The following DMBT1 variants were observed in gnomAD, a reference collection of about 807,000 sequenced individuals.
The protein encoded by DMBT1 is deleted in malignant brain tumors 1.
A neutral mutation model predicts 252.9 loss-of-function variants in DMBT1; 198 were observed. That is an observed-to-expected ratio of 0.78 (90% CI 0.70 to 0.88). The LOEUF is 0.88. DMBT1 is among the 40% of genes least tolerant of loss of function. The probability of loss-of-function intolerance (pLI) is 0.00; values close to 1 mark genes in which losing one functional copy is unlikely to be tolerated. For synonymous variants in DMBT1, 990 were observed against 942.7 expected (o/e 1.05, Z -0.92); for missense variants, 2,432 against 2,404.7 (o/e 1.01, Z -0.24).
At chr10:122,628,405 A>G (rs2098133792) in intron 46 of DMBT1, among the ~76,000 whole-genome samples, 1 of 152,120 alleles carries the variant, frequency 6.6e-6, no homozygotes, top group Admixed American at 6.5e-5. Flanking sequence ...GGAGGCCAAG[A>G]TGGGCGGATT....
intron 2 of DMBT1, among the ~76,000 whole-genome samples, chr10:122,569,797 T>C (rs1430261578): frequency 6.6e-6 from 1 of 152,214 alleles, no homozygotes; most frequent in South Asian, 2.1e-4. Flanking sequence ...CAGGAGTATA[T>C]CAGTGATGGT....
In DMBT1 at chr10:122,618,036, C is replaced by T; in HGVS notation, c.4911C>T (p.Ala1637=). The T allele has an allele frequency of 6.2e-7, 1 of 1,613,066 alleles. No homozygotes were observed. Among genetic ancestry groups the T allele is most frequent in the Non-Finnish European group, 8.5e-7 (1 of 1,179,754 alleles). ...ASTAGSESTL[A]LRLVNGGDRC... ...CTGTAGGATCTGAATCCACTTTGGC[C>T]CTGAGACTGGTGAATGGAGGTGACA... is the stretch of plus-strand genomic sequence containing the variant. The change falls in exon 41 of 56, where the codon GCC becomes GCT. Residue 1637 remains alanine, a synonymous_variant. Transcript: ENST00000338354.
chr10:122,585,671 C>T (rs1182123539), intron 15 of DMBT1, among the ~76,000 whole-genome samples: 1 of 148,654 alleles, frequency 6.7e-6, no homozygotes, highest in Admixed American at 6.7e-5. Context: ...CCACACCTGT[C>T]TGGCCAAGGC....
At chr10:122,617,950 T>G in intron 40 of DMBT1, 67 bp from the exon 41 acceptor site, 1 of 1,598,790 alleles carries the variant, frequency 6.3e-7, no homozygotes, top group Non-Finnish European at 8.5e-7. Flanking sequence ...ACCCTGAGTG[T>G]GGAACTTGCC....
intron 41 of DMBT1, 105 bp downstream of exon 41, chr10:122,618,445 T>C (rs2098023343): frequency 6.4e-7 from 1 of 1,568,164 alleles, no homozygotes; most frequent in South Asian, 1.2e-5. Context: ...TTCTATGTTT[T>C]CTATATTTCT....
chr10:122,621,657 G>C (rs950371375), intron 44 of DMBT1, among the ~76,000 whole-genome samples: 2 of 152,156 alleles, frequency 1.3e-5, no homozygotes, highest in African/African-American at 2.4e-5. Flanking sequence ...TGGCTCCCCA[G>C]GGCTCCATTT....
chr10:122,575,882 G>A (rs557403157), intron 6 of DMBT1, among the ~76,000 whole-genome samples: 1 of 152,322 alleles, frequency 6.6e-6, no homozygotes, highest in East Asian at 1.9e-4. Flanking sequence ...CTCCAGTCCA[G>A]AGTGACAGCC....
At chr10:122,617,789 G>T (rs938958546) in intron 40 of DMBT1, among the ~76,000 whole-genome samples, 2 of 151,548 alleles carry the variant, frequency 1.3e-5, no homozygotes, top group African/African-American at 4.9e-5. Flanking sequence ...ACTTCCAGTG[G>T]GGTCACAGGT....
At chr10:122,633,459 G>T (rs1039020809) in intron 52 of DMBT1, 118 bp downstream of exon 52, 1 of 1,484,360 alleles carries the variant, frequency 6.7e-7, no homozygotes, top group Non-Finnish European at 9.0e-7. Context: ...TTTCAAGAGG[G>T]AATAAATGGT....
chr10:122,574,970 G>T (rs1347775137), intron 6 of DMBT1, among the ~76,000 whole-genome samples: 3 of 152,194 alleles, frequency 2.0e-5, no homozygotes, highest in Non-Finnish European at 4.4e-5. Context: ...TGCTGTGGCT[G>T]CAGTGGGTTA....
intron 44 of DMBT1, among the ~76,000 whole-genome samples, chr10:122,624,686 G>A (rs74640983): frequency 0.078 from 11,893 of 151,838 alleles, 782 homozygotes; most frequent in South Asian, 0.25. Context: ...TGGCTGGGCC[G>A]TGGCATTCCC....
intron 24 of DMBT1, 47 bp downstream of exon 24, chr10:122,597,101 T>C (rs771849168): frequency 1.3e-5 from 6 of 446,500 alleles, no homozygotes; most frequent in Non-Finnish European, 2.3e-5. Context: ...TCTTTCTGTA[T>C]AATTATCCCT....
chr10:122,600,309 C>T (rs1391468412), intron 27 of DMBT1, among the ~76,000 whole-genome samples: 2 of 151,754 alleles, frequency 1.3e-5, no homozygotes, highest in Non-Finnish European at 2.9e-5. Context: ...CCCCTCTCAG[C>T]TTTCATGAAA....
chr10:122,592,002 C>T lies in DMBT1; in HGVS notation c.2177-270C>T, dbSNP rs1000109035. ...GCAGTGGAGCTCCATCCTGTGTGTGCTCAGAGTAGGGAGTGGGGTGTCCAT... is the reference window on the plus strand; with the variant it reads ...GCAGTGGAGCTCCATCCTGTGTGTGTTCAGAGTAGGGAGTGGGGTGTCCAT... On this transcript the variant is annotated intron_variant, in intron 19 of 55. Transcript: ENST00000338354. Among the ~76,000 whole-genome samples, 6 of 148,796 alleles carry T rather than the reference C, an allele frequency of 4.0e-5. 1 individual carries two copies. The South Asian group carries it at 9.0e-4, about 22-fold the overall frequency.
At chr10:122,587,009 C>G (rs934226586) in intron 16 of DMBT1, among the ~76,000 whole-genome samples, 2 of 148,422 alleles carry the variant, frequency 1.3e-5, no homozygotes, top group African/African-American at 4.9e-5. Context: ...TTACCCCTGA[C>G]CAGGGAGGAC....
intron 53 of DMBT1, among the ~76,000 whole-genome samples, chr10:122,636,762 A>T (rs1311935173): frequency 6.6e-6 from 1 of 152,256 alleles, no homozygotes; most frequent in Non-Finnish European, 1.5e-5. Context: ...TTAAAGACTG[A>T]CTTGCTTCAT....
At chr10:122,599,560 A>G (rs1281621204) in intron 26 of DMBT1, among the ~76,000 whole-genome samples, 1 of 152,170 alleles carries the variant, frequency 6.6e-6, no homozygotes, top group Non-Finnish European at 1.5e-5. Flanking sequence ...AGGAGTGCAA[A>G]TGGGTGTCTG....
intron 10 of DMBT1, 51 bp from the exon 11 acceptor site, chr10:122,580,815 C>T (rs2097761949): frequency 1.2e-6 from 2 of 1,612,664 alleles, no homozygotes; most frequent in East Asian, 2.2e-5. Context: ...TCCAGTTTTG[C>T]CGACTTCTGT....
chr10:122,586,010 T>C (rs778702760), intron 15 of DMBT1, 50 bp from the exon 16 acceptor site: 2 of 1,585,960 alleles, frequency 1.3e-6, no homozygotes, highest in Admixed American at 1.7e-5. Flanking sequence ...TTCCTTAGAT[T>C]CTTGACCTCA....
Sources: gnomAD v4.1 joint callset for allele counts (sites outside exome capture counted in the v4.1 genomes callset) on GRCh38, gnomAD v4.1.1 for gene constraint, MANE v1.5 for transcripts, NCBI Gene and HGNC (gene_info 2026-07-23, HGNC 2026-07-21) for gene names.